Variants in PKN2 observed in about 807,000 individuals in gnomAD.
PKN2 encodes serine/threonine-protein kinase N2.
PKN2 carries 38 observed loss-of-function variants against 119.1 expected under a neutral mutation model. The observed-to-expected ratio is 0.32, with a 90% CI of 0.25 to 0.42. PKN2 has a LOEUF of 0.42. Ranked by LOEUF, PKN2 falls within the 10% of genes least tolerant of loss-of-function variation. The pLI, the probability that PKN2 is intolerant of heterozygous loss-of-function variation, is 1.00. For missense variants in PKN2, 850 were observed against 1,165.1 expected (o/e 0.73, Z 3.94); for synonymous variants, 390 against 384.9 (o/e 1.01, Z -0.15).
chr1:88,770,311 C>T (rs765862123), intron 3 of PKN2, 41 bp from the exon 4 acceptor site: 33 of 1,137,906 alleles, frequency 2.9e-5, no homozygotes, highest in Non-Finnish European at 4.3e-5. Flanking sequence ...TTTCATTTTT[C>T]CCTTTATTTG....
intron 16 of PKN2, chr1:88,815,495 T>C (rs1671948382): frequency 6.6e-6 from 2 of 302,098 alleles, no homozygotes; most frequent in South Asian, 2.9e-5. Context: ...ATTTTTATTG[T>C]CTATCTTATT....
At chr1:88,803,502 C>T (rs541368826) in intron 8 of PKN2, among the ~76,000 whole-genome samples, 1 of 152,114 alleles carries the variant, frequency 6.6e-6, no homozygotes, top group South Asian at 2.1e-4. Context: ...ATAGAAAAGT[C>T]CAGTACTTTA....
chr1:88,696,772 C>T (rs939463263), intron 1 of PKN2, among the ~76,000 whole-genome samples: 2 of 152,008 alleles, frequency 1.3e-5, no homozygotes, highest in Non-Finnish European at 2.9e-5. Context: ...AGGGATTCTC[C>T]TGCTTAAATG....
chr1:88,685,780 AAATC>A (rs1279520291), intron 1 of PKN2, among the ~76,000 whole-genome samples: 8 of 152,246 alleles, frequency 5.3e-5, no homozygotes, highest in Non-Finnish European at 8.8e-5. Context: ...AAAAAAGACT[AAATC>A]AAGAAATTCT....
At chr1:88,754,614 T>C (rs781300484) in intron 2 of PKN2, among the ~76,000 whole-genome samples, 4 of 152,224 alleles carry the variant, frequency 2.6e-5, no homozygotes, top group South Asian at 2.1e-4. Flanking sequence ...TAGTGGAGAA[T>C]TAGCTTGGAG....
intron 1 of PKN2, among the ~76,000 whole-genome samples, chr1:88,707,835 A>G (rs1667062349): frequency 6.6e-6 from 1 of 152,180 alleles, no homozygotes; most frequent in Non-Finnish European, 1.5e-5. Context: ...AGCAACTCAA[A>G]TGACATTTTA....
At chr1:88,739,499 TTATTTA>T (rs1668492212) in intron 1 of PKN2, among the ~76,000 whole-genome samples, 1 of 152,196 alleles carries the variant, frequency 6.6e-6, no homozygotes, top group African/African-American at 2.4e-5. Context: ...TTGCATCAAC[TTATTTA>T]TATGGGTGTG....
chr1:88,766,268 T>A (rs1316359795), intron 3 of PKN2, among the ~76,000 whole-genome samples: 1 of 152,230 alleles, frequency 6.6e-6, no homozygotes, highest in Non-Finnish European at 1.5e-5. Flanking sequence ...ATGTAATTTA[T>A]GGCTTACTTC....
At chr1:88,706,568 A>G (rs1237995190) in intron 1 of PKN2, among the ~76,000 whole-genome samples, 1 of 152,130 alleles carries the variant, frequency 6.6e-6, no homozygotes, top group Non-Finnish European at 1.5e-5. Flanking sequence ...TTAGGGAGAA[A>G]GCATGCAGCC....
In PKN2 at chr1:88,752,817, G is replaced by A. The variant is rs371574372; in HGVS notation, c.350-7405G>A. On this transcript the variant is annotated intron_variant, in intron 2 of 21. Transcript: ENST00000370521. ...TGTTTTAAATATGTTTCTTAAAATA[G>A]CATATAGTTGGATTTATTTTATTCA... Among the ~76,000 whole-genome samples, 5 of 151,942 alleles carry A rather than the reference G, an allele frequency of 3.3e-5. 1 individual carries two copies. In the East Asian group the frequency reaches 7.7e-4, roughly 23 times the overall value.
At chr1:88,697,684 A>G (rs1220377076) in intron 1 of PKN2, among the ~76,000 whole-genome samples, 2 of 152,138 alleles carry the variant, frequency 1.3e-5, no homozygotes, top group African/African-American at 4.8e-5. Flanking sequence ...CCAAGCTGTC[A>G]TTGTTGTAGC....
chr1:88,742,507 G>C (rs1668615463), intron 2 of PKN2, among the ~76,000 whole-genome samples: 1 of 151,910 alleles, frequency 6.6e-6, no homozygotes, highest in Non-Finnish European at 1.5e-5. Context: ...TCTAATTTTA[G>C]ATTGAAATAA....
At chr1:88,781,087 A>T in intron 6 of PKN2, 1 of 1,198,008 alleles carries the variant, frequency 8.3e-7, no homozygotes. Flanking sequence ...ACTAAATTTT[A>T]AGTAACTAGG....
chr1:88,828,668 AAAT>A, intron 19 of PKN2, 45 bp downstream of exon 19: 1 of 1,524,212 alleles, frequency 6.6e-7, no homozygotes, highest in Non-Finnish European at 9.0e-7. Flanking sequence ...AGGATGATTG[AAAT>A]AATAAAGCAT....
Position 88,813,912 on chromosome 1 carries a change from G to A in PKN2, c.2279+179G>A, listed in dbSNP as rs560438079. 3.3e-5 allele frequency among the ~76,000 whole-genome samples: 5 copies of A among 152,212 alleles called. No homozygotes were observed. The South Asian group carries it at 1.0e-3, about 32-fold the overall frequency. On this transcript the variant is annotated intron_variant, in intron 16 of 21. Coordinates refer to ENST00000370521, the MANE Select transcript of PKN2 (RefSeq NM_006256.4). ...ACTTTTTGTATGTATTCTGTTGTCTGTGTTGAAAATGTCATGGATTGCCCA... is the reference window on the plus strand; with the variant it reads ...ACTTTTTGTATGTATTCTGTTGTCTATGTTGAAAATGTCATGGATTGCCCA...
At chr1:88,755,155 T>C (rs1669149432) in intron 2 of PKN2, among the ~76,000 whole-genome samples, 2 of 152,038 alleles carry the variant, frequency 1.3e-5, no homozygotes, top group African/African-American at 2.4e-5. Context: ...TTTTGAATGG[T>C]GAGAGTATTA....
At chr1:88,740,930 T>C in intron 1 of PKN2, 58 bp from the exon 2 acceptor site, 1 of 1,134,946 alleles carries the variant, frequency 8.8e-7, no homozygotes. Context: ...ACACTGCATA[T>C]TTACTGAGCA....
intron 6 of PKN2, 104 bp from the exon 7 acceptor site, chr1:88,784,535 T>C: frequency 1.7e-6 from 1 of 571,838 alleles, no homozygotes; most frequent in Non-Finnish European, 2.8e-6. Flanking sequence ...GAGTTTTTGT[T>C]ACCAGATTTT....
chr1:88,803,295 C>G (rs1199416882), intron 8 of PKN2, among the ~76,000 whole-genome samples: 4 of 152,032 alleles, frequency 2.6e-5, no homozygotes, highest in Non-Finnish European at 5.9e-5. Context: ...TGTTCATTAA[C>G]ATCAACTAGA....
Sources: gnomAD v4.1 joint callset for allele counts (sites outside exome capture counted in the v4.1 genomes callset) on GRCh38, gnomAD v4.1.1 for gene constraint, MANE v1.5 for transcripts, NCBI Gene and HGNC (gene_info 2026-07-23, HGNC 2026-07-21) for gene names.